The following NAA25 variants were observed in gnomAD, a reference collection of about 807,000 sequenced individuals.
NAA25 encodes the protein N-terminal acetyltransferase B complex subunit NAA25.
NAA25 carries 30 observed loss-of-function variants against 132.5 expected under a neutral mutation model. That is an observed-to-expected ratio of 0.23 (90% CI 0.17 to 0.31). The LOEUF is 0.31. NAA25 is among the 10% of genes least tolerant of loss of function. NAA25 has a pLI of 1.00. For synonymous variants in NAA25, 359 were observed against 401.9 expected, an observed-to-expected ratio of 0.89 and a Z score of 1.28; for missense variants, 771 against 1,150.4, an observed-to-expected ratio of 0.67 and a Z score of 4.77.
intron 10 of NAA25, among the ~76,000 whole-genome samples, chr12:112,070,481 T>C (rs912898593): frequency 1.3e-5 from 2 of 152,238 alleles, no homozygotes; most frequent in African/African-American, 2.4e-5. Flanking sequence ...TCAAGAAACC[T>C]TTCATCCACT....
chr12:112,093,217 T>C, intron 1 of NAA25, 81 bp from the exon 2 acceptor site: 1 of 878,428 alleles, frequency 1.1e-6, no homozygotes, highest in Non-Finnish European at 1.8e-6. Flanking sequence ...GTATGAGATA[T>C]TTTGGAAAAT....
chr12:112,031,147 C>T (rs2078144664), intron 23 of NAA25, among the ~76,000 whole-genome samples: 1 of 151,994 alleles, frequency 6.6e-6, no homozygotes, highest in Non-Finnish European at 1.5e-5. Context: ...AATATAAATA[C>T]ACACAAAAAG....
At chr12:112,099,596 A>C (rs1309582042) in intron 1 of NAA25, among the ~76,000 whole-genome samples, 1 of 152,212 alleles carries the variant, frequency 6.6e-6, no homozygotes, top group African/African-American at 2.4e-5. Flanking sequence ...AGACACTATC[A>C]AAATTTGTTG....
chr12:112,040,443 G>T, intron 21 of NAA25, 38 bp downstream of exon 21: 2 of 1,273,180 alleles, frequency 1.6e-6, no homozygotes, highest in Non-Finnish European at 2.3e-6. Flanking sequence ...AGACCATTAA[G>T]AACAACAATG....
At chr12:112,046,702 T>C (rs150587010) in intron 17 of NAA25, among the ~76,000 whole-genome samples, 95 of 152,338 alleles carry the variant, frequency 6.2e-4, no homozygotes, top group African/African-American at 2.2e-3. Context: ...GCATAATAAG[T>C]ATTTACCACA....
chr12:112,087,197 C>CCAAAAAA (rs551903324), intron 4 of NAA25, among the ~76,000 whole-genome samples: 2 of 151,812 alleles, frequency 1.3e-5, no homozygotes, highest in East Asian at 1.9e-4. Flanking sequence ...CTGCCTCAAA[C>CCAAAAAA]CAAAAAACAA....
At chr12:112,094,907 G>T (rs1336411499) in intron 1 of NAA25, among the ~76,000 whole-genome samples, 1 of 151,942 alleles carries the variant, frequency 6.6e-6, no homozygotes, top group Non-Finnish European at 1.5e-5. Flanking sequence ...TGATCTGCCC[G>T]CCTCAGCCTC....
intron 5 of NAA25, among the ~76,000 whole-genome samples, chr12:112,080,687 G>A (rs1464094714): frequency 6.6e-6 from 1 of 152,102 alleles, no homozygotes; most frequent in East Asian, 1.9e-4. Context: ...TTTTAGTAGA[G>A]ATGGGGTTTC....
intron 1 of NAA25, among the ~76,000 whole-genome samples, chr12:112,106,517 T>C (rs942234707): frequency 6.6e-6 from 1 of 152,134 alleles, no homozygotes; most frequent in East Asian, 1.9e-4. Context: ...TCTGAAAATA[T>C]ACACTGGAGG....
At chr12:112,089,977 G>A (rs373276362) in intron 3 of NAA25, among the ~76,000 whole-genome samples, 175 of 149,768 alleles carry the variant, frequency 1.2e-3, no homozygotes, top group African/African-American at 4.0e-3. Context: ...GATTACAGGC[G>A]TGCACCACCA....
chr12:112,057,102 C>A (rs922279365), intron 13 of NAA25, among the ~76,000 whole-genome samples: 1 of 152,018 alleles, frequency 6.6e-6, no homozygotes, highest in South Asian at 2.1e-4. Context: ...GCAGGAGAAT[C>A]GCTTGAACTT....
intron 17 of NAA25, among the ~76,000 whole-genome samples, chr12:112,045,098 G>A (rs1264751411): frequency 1.3e-5 from 2 of 151,958 alleles, no homozygotes; most frequent in African/African-American, 2.4e-5. Context: ...AATGTAAAAC[G>A]TAGAAAAGGT....
rs1048716557 is a variant in NAA25 at position 112,049,246 on chromosome 12, T to C, written c.1729-803A>G. Among the ~76,000 whole-genome samples the C allele has an allele frequency of 6.6e-6, 1 of 151,940 alleles. No homozygotes were observed. Among genetic ancestry groups the C allele is most frequent in the Non-Finnish European group, 1.5e-5 (1 of 67,984 alleles). ...GAAATTCTGGCACAATAGAAGAAAATCTCAGGGAAGAACATTTCATGGGTG... is the reference window on the plus strand; with the variant it reads ...GAAATTCTGGCACAATAGAAGAAAACCTCAGGGAAGAACATTTCATGGGTG... On this transcript the variant is annotated intron_variant, in intron 15 of 23. Transcript: ENST00000261745. This position sits in a 1 kb window ranked among gnomAD's most constrained non-coding sequence, Gnocchi z 4.7.
At chr12:112,045,545 A>G (rs1454337953) in intron 17 of NAA25, among the ~76,000 whole-genome samples, 1 of 151,846 alleles carries the variant, frequency 6.6e-6, no homozygotes, top group Non-Finnish European at 1.5e-5. Flanking sequence ...CTATAATCAC[A>G]GCACTTTGAG....
rs1593754916 is a variant in NAA25 at position 112,042,993 on chromosome 12, C to T, written c.2374+95G>A. ...CAGAACAGCTTCCAGCTTCCATGTA[C>T]TCTAAAATTTTCCAGATGTGAGGTT... On this transcript the variant is annotated intron_variant, in intron 19 of 23. Coordinates refer to ENST00000261745, the MANE Select transcript of NAA25 (RefSeq NM_024953.4). 7.2e-6 allele frequency: 9 copies of T among 1,250,838 alleles called. No homozygotes were observed. The African/African-American group carries it at 7.4e-5, about 10-fold the overall frequency. 77.5% of individuals were successfully genotyped at this position (1,250,838 alleles called of 1,614,324 possible). A position where few individuals can be genotyped will look rare whatever the true frequency, so the allele number is the denominator to read the frequency against.
chr12:112,032,774 T>TA lies in NAA25; in HGVS notation c.2796+458dup, dbSNP rs760023427. The stretch of plus-strand genomic sequence containing the variant: ...TTTGATGGTGGTACCTTTGATTCCA[T>TA]ACTTGGTTTCATTCCCTTTTTGGTT... On this transcript the variant is annotated intron_variant, in intron 23 of 23. Coordinates refer to ENST00000261745, the MANE Select transcript of NAA25 (RefSeq NM_024953.4). Among the ~76,000 whole-genome samples the TA allele has an allele frequency of 2.6e-5, 4 of 152,370 alleles. No homozygotes were observed. In the East Asian group the frequency reaches 5.8e-4, roughly 22 times the overall value.
chr12:112,078,570 A>G (rs920962545), intron 6 of NAA25, 64 bp downstream of exon 6: 13 of 1,371,874 alleles, frequency 9.5e-6, no homozygotes, highest in Non-Finnish European at 1.1e-5. Context: ...TCATAGTATT[A>G]TAACATAATA....
intron 5 of NAA25, among the ~76,000 whole-genome samples, chr12:112,079,673 G>A (rs2078942078): frequency 6.6e-6 from 1 of 151,944 alleles, no homozygotes; most frequent in Non-Finnish European, 1.5e-5. Context: ...CATAACATCT[G>A]TTCTTAAACA....
At chr12:112,040,836 G>A (rs2078291358) in intron 20 of NAA25, among the ~76,000 whole-genome samples, 1 of 152,100 alleles carries the variant, frequency 6.6e-6, no homozygotes, top group Non-Finnish European at 1.5e-5. Flanking sequence ...AAACACCAGC[G>A]AAGCCTTTTC....
Sources: allele counts gnomAD v4.1 joint callset (sites outside exome capture counted in the v4.1 genomes callset), GRCh38; gene constraint gnomAD v4.1.1; non-coding constraint Gnocchi (gnomAD v3.1); transcripts MANE v1.5; gene names NCBI Gene and HGNC (gene_info 2026-07-23, HGNC 2026-07-21).